Variants in MARCHF10 observed in about 807,000 individuals in gnomAD.
MARCHF10 encodes the protein probable E3 ubiquitin-protein ligase MARCHF10.
MARCHF10 carries 64 observed loss-of-function variants against 76.2 expected under a neutral mutation model. The ratio of observed to expected loss-of-function variants is 0.84; its 90% CI spans 0.69 to 1.03. The LOEUF is 1.03. Ranked by LOEUF, MARCHF10 falls within the 50% of genes least tolerant of loss-of-function variation. The pLI, the probability that MARCHF10 is intolerant of heterozygous loss-of-function variation, is 0.00. For missense variants in MARCHF10, 875 were observed against 958.0 expected (o/e 0.91, Z 1.14); for synonymous variants, 340 against 357.5 (o/e 0.95, Z 0.55).
chr17:62,788,423 C>A, intron 3 of MARCHF10, 57 bp downstream of exon 3: 1 of 1,600,282 alleles, frequency 6.2e-7, no homozygotes, highest in Non-Finnish European at 8.5e-7. Context: ...ACACACACAC[C>A]ACCACCACCA....
chr17:62,792,707 TACAACC>T (rs2092872792), intron 2 of MARCHF10, among the ~76,000 whole-genome samples: 2 of 57,168 alleles, frequency 3.5e-5, no homozygotes, highest in African/African-American at 6.6e-5. Flanking sequence ...CCTCCATCAC[TACAACC>T]ATCACCACCA....
chr17:62,807,303 G>A (rs1258257255), intron 1 of MARCHF10, among the ~76,000 whole-genome samples: 1 of 151,442 alleles, frequency 6.6e-6, no homozygotes, highest in Non-Finnish European at 1.5e-5. Context: ...GAAAAAGGGG[G>A]AATTGGTTGG....
chr17:62,807,572 G>C (rs1398802958), intron 1 of MARCHF10, among the ~76,000 whole-genome samples: 1 of 152,122 alleles, frequency 6.6e-6, no homozygotes, highest in Non-Finnish European at 1.5e-5. Flanking sequence ...TATCCAGCCA[G>C]AGAAACATAA....
At chr17:62,775,507 C>CCG (rs531530683) in intron 3 of MARCHF10, among the ~76,000 whole-genome samples, 1 of 146,702 alleles carries the variant, frequency 6.8e-6, no homozygotes, top group African/African-American at 2.6e-5. Flanking sequence ...GTCAGCCACT[C>CCG]GGGGGGGGGC....
At chr17:62,789,806 T>C (rs1438642855) in intron 2 of MARCHF10, among the ~76,000 whole-genome samples, 1 of 152,062 alleles carries the variant, frequency 6.6e-6, no homozygotes, top group Non-Finnish European at 1.5e-5. Flanking sequence ...TGGTGGCACA[T>C]GCCTGTAATC....
intron 3 of MARCHF10, among the ~76,000 whole-genome samples, chr17:62,760,981 T>C (rs915100197): frequency 3.3e-5 from 5 of 152,228 alleles, no homozygotes; most frequent in African/African-American, 1.2e-4. Context: ...CCCCAACTGT[T>C]GCAATTTGTA....
chr17:62,784,830 C>G lies in MARCHF10; in HGVS notation c.210+3650G>C, dbSNP rs186281920. Among the ~76,000 whole-genome samples, 83 of 152,168 alleles carry G rather than the reference C, an allele frequency of 5.5e-4. No individual in the cohort carries two copies. In the Middle Eastern group the frequency reaches 0.01, roughly 19 times the overall value. On this transcript the variant is annotated intron_variant, in intron 3 of 10. Coordinates refer to ENST00000311269, the MANE Select transcript of MARCHF10 (RefSeq NM_152598.4). ...TCCAACTTACAAGGGATGTGAAGGA[C>G]CTCTTCAAGGAGAACTACAAACCAC... is the stretch of plus-strand genomic sequence containing the variant.
chr17:62,780,998 G>A (rs2092648851), intron 3 of MARCHF10: 1 of 152,188 alleles, frequency 6.6e-6, no homozygotes, highest in South Asian at 2.1e-4. Flanking sequence ...TCTCGCCGGT[G>A]CCTGGGAAGG....
chr17:62,785,904 T>C (rs1244301713), intron 3 of MARCHF10, among the ~76,000 whole-genome samples: 1 of 152,086 alleles, frequency 6.6e-6, no homozygotes, highest in Non-Finnish European at 1.5e-5. Flanking sequence ...AGTGGAGAAA[T>C]AGGAACACTT....
intron 8 of MARCHF10, among the ~76,000 whole-genome samples, chr17:62,721,247 A>G (rs2090471694): frequency 6.6e-6 from 1 of 152,096 alleles, no homozygotes; most frequent in Admixed American, 6.6e-5. Context: ...GCACTTTTTA[A>G]AGCTTTTTAC....
intron 8 of MARCHF10, among the ~76,000 whole-genome samples, 169 bp downstream of exon 8, chr17:62,722,319 A>G (rs1347249895): frequency 6.7e-6 from 1 of 150,208 alleles, no homozygotes; most frequent in African/African-American, 2.5e-5. Context: ...ACTCTCTAAT[A>G]CTCTAATTTA....
rs1467940877 is a variant in MARCHF10, at chr17:62,737,248, G to A, written c.620C>T (p.Ser207Leu). ...AGGGGCGTTCTCAGTCATTGGCTGTGACGATGGGACCAAGTTTCTTCTCTC... is the reference window on the plus strand; with the variant it reads ...AGGGGCGTTCTCAGTCATTGGCTGTAACGATGGGACCAAGTTTCTTCTCTC... The part of the protein sequence containing the change: ...NQERRNLVPS[S>L]QPMTENAPDR... The change falls in exon 6 of 11, where the codon TCA (serine) becomes TTA (leucine). Residue 207 changes from serine to leucine, a missense_variant. Coordinates refer to ENST00000311269, the MANE Select transcript of MARCHF10 (RefSeq NM_152598.4). 6.2e-7 allele frequency: 1 copy of A among 1,613,972 alleles called. No individual in the cohort carries two copies. Among genetic ancestry groups the A allele is most frequent in the Middle Eastern group, 1.7e-4 (1 of 6,060 alleles).
chr17:62,731,375 A>C (rs2091016542), intron 6 of MARCHF10, among the ~76,000 whole-genome samples: 1 of 152,048 alleles, frequency 6.6e-6, no homozygotes, highest in Non-Finnish European at 1.5e-5. Flanking sequence ...AGATTCTCCC[A>C]CTTCAGCCTC....
intron 3 of MARCHF10, among the ~76,000 whole-genome samples, chr17:62,772,179 C>T (rs933522318): frequency 5.3e-5 from 8 of 152,012 alleles, no homozygotes; most frequent in African/African-American, 1.5e-4. Context: ...GGGAGGGACC[C>T]GGTGGGAGGT....
At chr17:62,794,912 A>T (rs987617396) in intron 2 of MARCHF10, 6 of 584,812 alleles carry the variant, frequency 1.0e-5, no homozygotes, top group Middle Eastern at 8.6e-4. Flanking sequence ...AAAGTTCATT[A>T]ATTTTAAGAG....
At chr17:62,763,557 C>T (rs750370850) in intron 3 of MARCHF10, among the ~76,000 whole-genome samples, 2 of 152,112 alleles carry the variant, frequency 1.3e-5, no homozygotes, top group Non-Finnish European at 2.9e-5. Flanking sequence ...ATCTTTTCCT[C>T]TTGTAATTTT....
chr17:62,781,642 T>C (rs2148072943), intron 3 of MARCHF10, among the ~76,000 whole-genome samples: 1 of 152,332 alleles, frequency 6.6e-6, no homozygotes, highest in East Asian at 1.9e-4. Flanking sequence ...GAGGAGGTTA[T>C]GCCAGGATGA....
At chr17:62,806,136 A>G (rs1252427428) in intron 1 of MARCHF10, among the ~76,000 whole-genome samples, 1 of 152,182 alleles carries the variant, frequency 6.6e-6, no homozygotes, top group African/African-American at 2.4e-5. Flanking sequence ...ATGGTGGGTT[A>G]CCTCAGTATA....
In MARCHF10 at chr17:62,725,008, G is replaced by A; in HGVS notation, c.2034C>T (p.Gly678=). ...GAACAAACTGCAGGCTTCCCACACAGCCGCAAGGCTCCAGGAGGGGGTTGC... is the reference window on the plus strand; with the variant it reads ...GAACAAACTGCAGGCTTCCCACACAACCGCAAGGCTCCAGGAGGGGGTTGC... ...SPSNPLLEPC[G]CVGSLQFVHQ... Residue 678 remains glycine (G), a synonymous_variant, in exon 7 of 11, where the codon GGC becomes GGT. Transcript: ENST00000311269. 6.2e-7 allele frequency: 1 copy of A among 1,610,816 alleles called. No individual in the cohort carries two copies. The highest frequency in any genetic ancestry group is 8.5e-7 in the Non-Finnish European group (1 of 1,178,836).
Sources: allele counts gnomAD v4.1 joint callset (sites outside exome capture counted in the v4.1 genomes callset), GRCh38; gene constraint gnomAD v4.1.1; transcripts MANE v1.5; gene names NCBI Gene and HGNC (gene_info 2026-07-23, HGNC 2026-07-21).